Variants in ANO4 observed in about 807,000 individuals in gnomAD.
ANO4 encodes anoctamin-4.
In ANO4, 69 loss-of-function variants were observed where a neutral mutation model predicts 141.9. That is an observed-to-expected ratio of 0.49 (90% CI 0.40 to 0.59). The LOEUF is 0.59. Among genes scored for constraint, ANO4 ranks in the 20% least tolerant of loss-of-function variants. ANO4 has a pLI of 0.00. For missense variants in ANO4, 894 were observed against 1,162.2 expected, an observed-to-expected ratio of 0.77 and a Z score of 3.36; for synonymous variants, 350 against 394.3, an observed-to-expected ratio of 0.89 and a Z score of 1.33.
intron 14 of ANO4, among the ~76,000 whole-genome samples, chr12:101,055,026 C>T (rs1380476338): frequency 6.6e-6 from 1 of 152,156 alleles, no homozygotes; most frequent in Non-Finnish European, 1.5e-5. Context: ...GAGTAGTATT[C>T]CAGAGCCTGG....
intron 2 of ANO4, among the ~76,000 whole-genome samples, chr12:100,907,805 A>G (rs1429843915): frequency 6.6e-6 from 1 of 152,098 alleles, no homozygotes; most frequent in Non-Finnish European, 1.5e-5. Context: ...TTACCTTTGT[A>G]CCCTCTCCAC....
At chr12:100,988,872 G>GGAAAAAAAA in intron 8 of ANO4, among the ~76,000 whole-genome samples, 1 of 65,032 alleles carries the variant, frequency 1.5e-5, no homozygotes, top group East Asian at 3.9e-4. Context: ...CTCTGTCTCA[G>GGAAAAAAAA]AAAAAAAAAA....
chr12:100,837,678 C>T (rs1327689147), intron 1 of ANO4, among the ~76,000 whole-genome samples: 1 of 148,524 alleles, frequency 6.7e-6, no homozygotes, highest in East Asian at 2.0e-4. Flanking sequence ...TATGATTGGA[C>T]CACTGCACTC....
chr12:100,887,879 C>A (rs2039915580), intron 1 of ANO4, among the ~76,000 whole-genome samples: 1 of 152,140 alleles, frequency 6.6e-6, no homozygotes, highest in Admixed American at 6.6e-5. Context: ...GAGTTTATGT[C>A]TAGCTGTGGG....
intron 3 of ANO4, among the ~76,000 whole-genome samples, chr12:100,938,909 A>G (rs1182319200): frequency 2.6e-5 from 4 of 152,202 alleles, no homozygotes; most frequent in South Asian, 2.1e-4. Context: ...TTGGCAAGCT[A>G]TACGACACTT....
chr12:101,063,745 CTTTTTTTTTTTTTTT>C, intron 14 of ANO4, among the ~76,000 whole-genome samples: 24 of 24,798 alleles, frequency 9.7e-4, no homozygotes, highest in South Asian at 3.1e-3. Context: ...TCCAGGTTAT[CTTTTTTTTTTTTTTT>C]TTTTTTTTTT....
At position 101,037,134 on chromosome 12, in the gene ANO4, C is replaced by T. The variant is rs1258502826; in HGVS notation, c.881C>T (p.Ala294Val). Residue 294 changes from alanine to valine, a missense_variant, in exon 10 of 28, where the codon GCG becomes GTG. Coordinates refer to ENST00000392977, the MANE Select transcript of ANO4 (RefSeq NM_001286615.2). ...CTTACCAATGGCTCCTATGAAGCTGCGTTTCCCCTGCATGAGGTATTGTGC... is the reference window on the plus strand; with the variant it reads ...CTTACCAATGGCTCCTATGAAGCTGTGTTTCCCCTGCATGAGGTATTGTGC... The part of the protein sequence containing the change: ...RLLTNGSYEA[A>V]FPLHEGSYRS... The T allele has an allele frequency of 1.6e-5, 26 of 1,613,742 alleles. No homozygotes were observed. The highest frequency in any genetic ancestry group is 4.5e-5 in the East Asian group (2 of 44,878).
intron 3 of ANO4, among the ~76,000 whole-genome samples, chr12:100,779,945 A>G (rs1371122610): frequency 1.3e-5 from 2 of 152,202 alleles, no homozygotes; most frequent in South Asian, 2.1e-4. Context: ...TAAAAAATTA[A>G]TATTTATTTC....
intron 8 of ANO4, among the ~76,000 whole-genome samples, chr12:101,014,752 C>G (rs557171496): frequency 6.6e-6 from 1 of 152,170 alleles, no homozygotes; most frequent in African/African-American, 2.4e-5. Flanking sequence ...GTTTATTCCC[C>G]TCTTCACCGA....
intron 5 of ANO4, among the ~76,000 whole-genome samples, chr12:100,953,453 C>T (rs1592822468): frequency 6.6e-6 from 1 of 152,178 alleles, no homozygotes; most frequent in African/African-American, 2.4e-5. Flanking sequence ...GCAGCACTGC[C>T]TCTTGAGGCA....
intron 22 of ANO4, among the ~76,000 whole-genome samples, chr12:101,101,944 C>T (rs776669016): frequency 4.6e-5 from 7 of 151,966 alleles, no homozygotes; most frequent in African/African-American, 7.3e-5. Context: ...ATTAGCTGGG[C>T]GCAGTGGCAG....
At chr12:100,767,642 A>G (rs895846214) in intron 3 of ANO4, among the ~76,000 whole-genome samples, 2 of 152,246 alleles carry the variant, frequency 1.3e-5, no homozygotes, top group Admixed American at 6.5e-5. Flanking sequence ...GTGTAACAGC[A>G]CAAGATTTTA....
chr12:101,092,062 A>G (rs576018086), intron 17 of ANO4, among the ~76,000 whole-genome samples: 4 of 152,282 alleles, frequency 2.6e-5, no homozygotes, highest in Admixed American at 2.0e-4. Flanking sequence ...GTTCTGCTTC[A>G]CTAGTGACCG....
intron 5 of ANO4, among the ~76,000 whole-genome samples, chr12:100,961,970 T>C (rs1477160240): frequency 6.6e-6 from 1 of 152,216 alleles, no homozygotes; most frequent in African/African-American, 2.4e-5. Context: ...GACATGGGGA[T>C]CACCAGGGTT....
chr12:100,957,185 C>T (rs1178332990), intron 5 of ANO4, among the ~76,000 whole-genome samples: 3 of 152,178 alleles, frequency 2.0e-5, no homozygotes, highest in South Asian at 2.1e-4. Flanking sequence ...AACACTTGCT[C>T]GGCCTCTGGT....
intron 1 of ANO4, among the ~76,000 whole-genome samples, chr12:100,882,468 T>C (rs2039617599): frequency 1.3e-5 from 2 of 152,074 alleles, no homozygotes; most frequent in South Asian, 4.1e-4. Context: ...CCTCTAGAGG[T>C]TAATTAAAAA....
chr12:100,988,592 G>A (rs1034322169), intron 8 of ANO4, among the ~76,000 whole-genome samples: 1 of 149,354 alleles, frequency 6.7e-6, no homozygotes, highest in Admixed American at 6.8e-5. Flanking sequence ...AGTAAACCAG[G>A]CTGAGTGCTG....
intron 14 of ANO4, among the ~76,000 whole-genome samples, chr12:101,076,932 A>C (rs1173184744): frequency 6.6e-6 from 1 of 152,170 alleles, no homozygotes; most frequent in East Asian, 1.9e-4. Flanking sequence ...CGTGCAGCAA[A>C]GAGTTAACAC....
chr12:101,043,713 TGTCATTTCCA>T, intron 13 of ANO4, 78 bp downstream of exon 13: 1 of 1,039,178 alleles, frequency 9.6e-7, no homozygotes, highest in East Asian at 2.4e-5. Context: ...AACTCTATTC[TGTCATTTCCA>T]GTCTTTGATT....
Sources: gnomAD v4.1 joint callset for allele counts (sites outside exome capture counted in the v4.1 genomes callset) on GRCh38, gnomAD v4.1.1 for gene constraint, MANE v1.5 for transcripts, NCBI Gene and HGNC (gene_info 2026-07-23, HGNC 2026-07-21) for gene names.